The following KDM2B variants were observed in gnomAD, a reference collection of about 807,000 sequenced individuals.
KDM2B encodes the protein lysine demethylase 2B.
Under a neutral mutation model 150.0 loss-of-function variants are expected in KDM2B, and 26 were observed. The ratio of observed to expected loss-of-function variants is 0.17; its 90% confidence interval spans 0.13 to 0.24. The LOEUF is 0.24. Among genes scored for constraint, KDM2B ranks in the 10% least tolerant of loss-of-function variants. The pLI is 1.00. For synonymous variants in KDM2B, 734 were observed against 729.5 expected, an observed-to-expected ratio of 1.01 and a Z score of -0.10; for missense variants, 1,265 against 1,816.9, an observed-to-expected ratio of 0.70 and a Z score of 5.52.
Position 121,454,075 on chromosome 12 carries a change from T to C in KDM2B, c.1735-731A>G, listed in dbSNP as rs565810121. Reference sequence around the variant, plus strand: ...GCCCACTCATTCCGTCTGGTCAGTTTACAGGCTGCTTTCTTCTGGAAGCCC... The same window carrying C: ...GCCCACTCATTCCGTCTGGTCAGTTCACAGGCTGCTTTCTTCTGGAAGCCC... On this transcript the variant is annotated intron_variant, in intron 12 of 22. Coordinates refer to ENST00000377071, the MANE Select transcript of KDM2B (RefSeq NM_032590.5). 4.6e-5 allele frequency among the ~76,000 whole-genome samples: 7 copies of C among 151,342 alleles called. No individual in the cohort carries two copies. The South Asian group carries it at 1.5e-3, about 32-fold the overall frequency.
intron 6 of KDM2B, among the ~76,000 whole-genome samples, chr12:121,538,029 C>T (rs1555309042): frequency 1.3e-5 from 2 of 151,016 alleles, no homozygotes; most frequent in African/African-American, 2.4e-5. Flanking sequence ...GAGCCGAGCC[C>T]CCTCCACGGC....
the KDM2B span, among the ~76,000 whole-genome samples, chr12:121,410,681 A>G: frequency 2.6e-5 from 4 of 152,262 alleles, no homozygotes; most frequent in South Asian, 6.2e-4. Flanking sequence ...GATGATAACT[A>G]TAAGTGGATT....
At chr12:121,503,407 C>T (rs1555302446) in intron 11 of KDM2B, among the ~76,000 whole-genome samples, 1 of 152,038 alleles carries the variant, frequency 6.6e-6, no homozygotes, top group African/African-American at 2.4e-5. Context: ...CCTCCTGCAT[C>T]AGCCTTTCAA....
intron 11 of KDM2B, among the ~76,000 whole-genome samples, chr12:121,496,482 T>C (rs1555301004): frequency 6.6e-6 from 1 of 150,532 alleles, no homozygotes; most frequent in Admixed American, 6.6e-5. Context: ...CAGTTTACTC[T>C]GCTCATTGTC....
Position 121,520,825 on chromosome 12 carries a change from C to T in KDM2B, c.1047+160G>A, listed in dbSNP as rs530419273. 1.5e-4 allele frequency among the ~76,000 whole-genome samples: 23 copies of T among 151,922 alleles called. No individual in the cohort carries two copies. The highest frequency in any genetic ancestry group is 3.6e-4 in the African/African-American group (15 of 41,378). On this transcript the variant is annotated intron_variant, in intron 9 of 22. Transcript: ENST00000377071. This position sits in a 1 kb window ranked among gnomAD's most constrained non-coding sequence, Gnocchi z 4.5. ...CTCCTACAGGCATTCCCCTGCCCCC[C>T]CTCCCCCGCCACAGAACCAGGACTG...
intron 12 of KDM2B, among the ~76,000 whole-genome samples, chr12:121,466,573 G>T (rs1426022306): frequency 2.0e-5 from 3 of 151,646 alleles, no homozygotes; most frequent in African/African-American, 7.3e-5. Flanking sequence ...GCCCGCGCCG[G>T]CCCGCGGCTC....
chr12:121,431,277 G>A (rs914901693), intron 22 of KDM2B, among the ~76,000 whole-genome samples: 7 of 147,936 alleles, frequency 4.7e-5, no homozygotes, highest in East Asian at 2.0e-4. Flanking sequence ...AATTATAGGC[G>A]TGTGCCACCA....
intron 8 of KDM2B, chr12:121,524,600 C>A: frequency 2.7e-6 from 1 of 369,166 alleles, no homozygotes. Context: ...CTGCTCACAT[C>A]TGCTTCATTA....
chr12:121,573,809 G>GAA (rs1891300799), intron 4 of KDM2B, among the ~76,000 whole-genome samples: 1 of 150,578 alleles, frequency 6.6e-6, no homozygotes, highest in African/African-American at 2.4e-5. Flanking sequence ...GGATGGTCTC[G>GAA]ATCTCCTGAC....
chr12:121,516,347 C>G, intron 9 of KDM2B: 3 of 515,134 alleles, frequency 5.8e-6, no homozygotes, highest in Non-Finnish European at 9.6e-6. Flanking sequence ...TTGCTGAACC[C>G]AATGGAAACC....
chr12:121,493,319 T>A (rs1555300268), intron 12 of KDM2B, among the ~76,000 whole-genome samples: 1 of 152,028 alleles, frequency 6.6e-6, no homozygotes. Context: ...TAACCTCAGG[T>A]CAGCCCTTGT....
chr12:121,530,402 T>C (rs1887565406), intron 8 of KDM2B, among the ~76,000 whole-genome samples: 1 of 152,182 alleles, frequency 6.6e-6, no homozygotes, highest in South Asian at 2.1e-4. Context: ...CCATGGGGTT[T>C]GTTGATCTTA....
chr12:121,415,221 T>G, the KDM2B span: 36 of 244,594 alleles, frequency 1.5e-4, 2 homozygotes, highest in South Asian at 1.4e-3. Context: ...GAGTTTCAGT[T>G]GGTGTTTTGA....
In KDM2B at chr12:121,497,129, T is replaced by A. The variant is rs530190501; in HGVS notation, c.1648-2464A>T. Among the ~76,000 whole-genome samples, 6 of 152,224 alleles carry A rather than the reference T, an allele frequency of 3.9e-5. No homozygotes were observed. In the East Asian group the frequency reaches 1.2e-3, roughly 29 times the overall value. On this transcript the variant is annotated intron_variant, in intron 11 of 22. Transcript: ENST00000377071. ...TGGTCAAGAATGTTGGCTCTAGAAC[T>A]GGCTCCAGGGGTTTAAATCCCAGCC... is the stretch of plus-strand genomic sequence containing the variant.
At chr12:121,572,748 G>A (rs1891194017) in intron 4 of KDM2B, among the ~76,000 whole-genome samples, 1 of 151,754 alleles carries the variant, frequency 6.6e-6, no homozygotes, top group Non-Finnish European at 1.5e-5. Context: ...GTGAACTCCT[G>A]GGCTCAAGTG....
chr12:121,505,755 T>G (rs1555302813), intron 11 of KDM2B, among the ~76,000 whole-genome samples: 1 of 152,024 alleles, frequency 6.6e-6, no homozygotes. Flanking sequence ...AGGTCAGTCA[T>G]CAACAGGAAA....
chr12:121,475,342 A>T (rs1410727655), intron 12 of KDM2B, among the ~76,000 whole-genome samples: 1 of 152,018 alleles, frequency 6.6e-6, no homozygotes, highest in Non-Finnish European at 1.5e-5. Flanking sequence ...TAATGCCAAC[A>T]CTTTGGGAGG....
At chr12:121,510,182 TGG>T (rs1885456130) in intron 10 of KDM2B, 143 bp from the exon 11 acceptor site, 3 of 728,304 alleles carry the variant, frequency 4.1e-6, no homozygotes, top group South Asian at 2.0e-5. Flanking sequence ...CTCCAGCCTC[TGG>T]AAAGGCCGTG....
chr12:121,472,481 G>T (rs1356239743), intron 12 of KDM2B, among the ~76,000 whole-genome samples: 1 of 151,552 alleles, frequency 6.6e-6, no homozygotes, highest in South Asian at 2.1e-4. Context: ...CTGGAGAGTC[G>T]TTCCACAAGC....
Sources: allele counts gnomAD v4.1 joint callset (sites outside exome capture counted in the v4.1 genomes callset), GRCh38; gene constraint gnomAD v4.1.1; non-coding constraint Gnocchi (gnomAD v3.1); transcripts MANE v1.5; gene names NCBI Gene and HGNC (gene_info 2026-07-23, HGNC 2026-07-21).